The following PARVA variants were observed in gnomAD, a reference collection of about 807,000 sequenced individuals.
PARVA encodes parvin alpha, also known as alpha-parvin.
Under a neutral mutation model 52.6 loss-of-function variants are expected in PARVA, and 25 were observed. The ratio of observed to expected loss-of-function variants is 0.48; its 90% CI spans 0.35 to 0.66. PARVA has a LOEUF of 0.66. Among genes scored for constraint, PARVA ranks in the 30% least tolerant of loss-of-function variants. The pLI is 0.01. For synonymous variants in PARVA, 185 were observed against 179.1 expected (o/e 1.03, Z -0.26); for missense variants, 373 against 450.9 (o/e 0.83, Z 1.56).
intron 4 of PARVA, among the ~76,000 whole-genome samples, chr11:12,489,212 AT>A (rs1043249266): frequency 6.6e-6 from 1 of 152,052 alleles, no homozygotes; most frequent in African/African-American, 2.4e-5. Flanking sequence ...AGAATATAAA[AT>A]GAGTATGTTT....
At chr11:12,404,519 G>C (rs1002133476) in intron 1 of PARVA, among the ~76,000 whole-genome samples, 4 of 152,272 alleles carry the variant, frequency 2.6e-5, no homozygotes, top group African/African-American at 9.6e-5. Flanking sequence ...ATTTGAAGTT[G>C]CTGGCAGAAG....
chr11:12,384,177 C>CT (rs1356699615), intron 1 of PARVA, among the ~76,000 whole-genome samples: 1 of 152,160 alleles, frequency 6.6e-6, no homozygotes, highest in Non-Finnish European at 1.5e-5. Flanking sequence ...TTTTGCCACT[C>CT]TGTCGCCCTG....
chr11:12,417,971 GA>G (rs1247591536), intron 1 of PARVA, among the ~76,000 whole-genome samples: 2 of 152,244 alleles, frequency 1.3e-5, no homozygotes, highest in Non-Finnish European at 2.9e-5. Flanking sequence ...TGCTGATGCA[GA>G]GTGCCTGTAG....
At chr11:12,507,832 T>A (rs1941451300) in intron 6 of PARVA, among the ~76,000 whole-genome samples, 1 of 152,110 alleles carries the variant, frequency 6.6e-6, no homozygotes, top group Non-Finnish European at 1.5e-5. Flanking sequence ...CCCGATTGAC[T>A]TTAGCTCCTC....
chr11:12,387,549 T>C (rs1353504790), intron 1 of PARVA, among the ~76,000 whole-genome samples: 1 of 82,580 alleles, frequency 1.2e-5, no homozygotes, highest in Non-Finnish European at 2.9e-5. Context: ...GTCTCTATTT[T>C]TGAGCGTGTG....
intron 1 of PARVA, among the ~76,000 whole-genome samples, chr11:12,462,868 C>T (rs1940801921): frequency 1.3e-5 from 2 of 152,132 alleles, no homozygotes; most frequent in Admixed American, 6.5e-5. Context: ...TGGAAACAAC[C>T]AACAACTTTG....
intron 1 of PARVA, among the ~76,000 whole-genome samples, chr11:12,391,338 G>A (rs1939655366): frequency 6.6e-6 from 1 of 152,122 alleles, no homozygotes; most frequent in Non-Finnish European, 1.5e-5. Flanking sequence ...CCATGAATTG[G>A]CTAGATGGCA....
At chr11:12,485,896 G>A (rs539972622) in intron 4 of PARVA, among the ~76,000 whole-genome samples, 3 of 152,266 alleles carry the variant, frequency 2.0e-5, no homozygotes, top group South Asian at 2.1e-4. Flanking sequence ...AAGCAGTCCT[G>A]ACCATCACTT....
At chr11:12,524,709 A>G (rs2114388) in intron 12 of PARVA, among the ~76,000 whole-genome samples, 149,561 of 152,306 alleles carry the variant, frequency 0.98, 73,480 homozygotes, top group East Asian at 1. Context: ...CCTCTTGTCC[A>G]CCCTCTCTGG....
rs144379817 is a variant in PARVA at position 12,417,925 on chromosome 11, C to T, written c.136+40142C>T. On this transcript the variant is annotated intron_variant, in intron 1 of 12. Transcript: ENST00000334956. ...CCAGGGAGCACCTCCTACAAGGCAC[C>T]CTTTCCTCCAGATTAGAGACCCCAG... Among the ~76,000 whole-genome samples the T allele has an allele frequency of 5.1e-3, 780 of 152,338 alleles. 4 individuals are homozygous for T. The highest frequency in any genetic ancestry group is 0.017 in the Middle Eastern group (5 of 294).
intron 12 of PARVA, among the ~76,000 whole-genome samples, chr11:12,525,870 C>G (rs1460594737): frequency 6.6e-6 from 1 of 151,958 alleles, no homozygotes; most frequent in East Asian, 1.9e-4. Flanking sequence ...CAGGGTTGGT[C>G]TATAACCAGG....
At chr11:12,487,532 C>T (rs571480820) in intron 4 of PARVA, among the ~76,000 whole-genome samples, 37 of 152,172 alleles carry the variant, frequency 2.4e-4, no homozygotes, top group African/African-American at 8.7e-4. Context: ...TGCTCAATAG[C>T]CAAATGTAGC....
chr11:12,470,099 C>T (rs752776077), intron 1 of PARVA, among the ~76,000 whole-genome samples: 5 of 152,192 alleles, frequency 3.3e-5, no homozygotes, highest in South Asian at 2.1e-4. Flanking sequence ...CGCACATGTG[C>T]GCACACACAG....
chr11:12,402,064 G>A (rs1939836227), intron 1 of PARVA, among the ~76,000 whole-genome samples: 3 of 152,162 alleles, frequency 2.0e-5, no homozygotes, highest in Admixed American at 2.0e-4. Context: ...GCCCTGGGAG[G>A]GAACGCTTTG....
intron 5 of PARVA, among the ~76,000 whole-genome samples, chr11:12,502,490 A>G (rs547250367): frequency 3.3e-5 from 5 of 152,104 alleles, no homozygotes; most frequent in African/African-American, 7.2e-5. Flanking sequence ...CAGGCAAAAT[A>G]TCTGATGAAT....
intron 8 of PARVA, among the ~76,000 whole-genome samples, chr11:12,512,341 T>C (rs34460588): frequency 0.15 from 22,308 of 152,206 alleles, 2,008 homozygotes; most frequent in East Asian, 0.22. Flanking sequence ...CACGACTGGG[T>C]TTGTTTGTTT....
At position 12,499,520 on chromosome 11, in the gene PARVA, A is replaced by T. The variant is rs191131686; in HGVS notation, c.541+2922A>T. Among the ~76,000 whole-genome samples, 302 of 152,174 alleles carry T rather than the reference A, an allele frequency of 2.0e-3. 1 individual carries two copies. The highest frequency in any genetic ancestry group is 7.0e-3 in the African/African-American group (289 of 41,500). ...CAGATAAATTTAAATATTAACGTTT[A>T]ACACATGTATTATGCTTATTGTATG... On this transcript the variant is annotated intron_variant, in intron 5 of 12. Transcript: ENST00000334956.
At chr11:12,510,255 A>C (rs1053159657) in intron 7 of PARVA, among the ~76,000 whole-genome samples, 2 of 152,194 alleles carry the variant, frequency 1.3e-5, no homozygotes, top group East Asian at 1.9e-4. Flanking sequence ...TTTCCAGTGC[A>C]CTACTTGCAA....
intron 4 of PARVA, among the ~76,000 whole-genome samples, chr11:12,490,918 C>G (rs1941226905): frequency 6.6e-6 from 1 of 151,768 alleles, no homozygotes; most frequent in African/African-American, 2.4e-5. Context: ...AATTTTCTAT[C>G]ATAAATACTG....
Sources: allele counts gnomAD v4.1 joint callset (sites outside exome capture counted in the v4.1 genomes callset), GRCh38; gene constraint gnomAD v4.1.1; transcripts MANE v1.5; gene names NCBI Gene and HGNC (gene_info 2026-07-23, HGNC 2026-07-21).